Variants in TRPC5 observed in about 807,000 individuals in gnomAD.
The protein encoded by TRPC5 is short transient receptor potential channel 5.
In TRPC5, 9 loss-of-function variants were observed where a neutral mutation model predicts 56.5. That is an observed-to-expected ratio of 0.16 (90% CI 0.10 to 0.28). The LOEUF (loss-of-function observed/expected upper bound fraction) is 0.28. Among genes scored for constraint, TRPC5 ranks in the 10% least tolerant of loss-of-function variants. The probability of loss-of-function intolerance (pLI) is 1.00; values close to 1 mark genes in which losing one functional copy is unlikely to be tolerated. For missense variants in TRPC5, 469 were observed against 748.9 expected (o/e 0.63, Z 4.36); for synonymous variants, 282 against 278.5 (o/e 1.01, Z -0.13).
chrX:111,966,237 G>A (rs1927570073), intron 1 of TRPC5, among the ~76,000 whole-genome samples: 1 of 111,883 alleles, frequency 8.9e-6, no homozygotes, highest in African/African-American at 3.3e-5. Flanking sequence ...AGAAGAAATG[G>A]ATAAATTCCT....
chrX:111,992,106 C>T (rs1445434502), intron 1 of TRPC5, among the ~76,000 whole-genome samples: 1 of 112,017 alleles, frequency 8.9e-6, no homozygotes, highest in African/African-American at 3.3e-5. Context: ...GGGATAGAGC[C>T]AGTATGATCC....
At chrX:111,955,883 A>G (rs1378574815) in intron 1 of TRPC5, among the ~76,000 whole-genome samples, 2 of 112,491 alleles carry the variant, frequency 1.8e-5, no homozygotes, top group Non-Finnish European at 3.8e-5. Flanking sequence ...CTCTAGGTAT[A>G]TTCTTAACCA....
intron 8 of TRPC5, 95 bp downstream of exon 8, chrX:111,781,840 G>T: frequency 1.3e-6 from 1 of 782,448 alleles, no homozygotes; most frequent in South Asian, 2.9e-5. Flanking sequence ...GGTTGGCAGT[G>T]ACCCGAGACC....
intron 7 of TRPC5, among the ~76,000 whole-genome samples, chrX:111,824,472 T>C (rs1653772528): frequency 8.9e-6 from 1 of 111,950 alleles, no homozygotes; most frequent in Admixed American, 9.5e-5. Flanking sequence ...TGGCATTTAA[T>C]AAAGGCTTGT....
chrX:111,798,873 G>C (rs78983233), intron 7 of TRPC5, among the ~76,000 whole-genome samples: 1 of 111,729 alleles, frequency 9.0e-6, no homozygotes, highest in Non-Finnish European at 1.9e-5. Context: ...GGAAGGTGAA[G>C]GATCTAAAGC....
chrX:112,003,222 A>G (rs1928745558), intron 1 of TRPC5, among the ~76,000 whole-genome samples: 1 of 112,046 alleles, frequency 8.9e-6, no homozygotes, highest in Non-Finnish European at 1.9e-5. Flanking sequence ...TTCAAAAAAC[A>G]TTACAGAGTA....
intron 2 of TRPC5, among the ~76,000 whole-genome samples, chrX:111,928,653 G>A (rs149402370): frequency 0.011 from 1,271 of 111,952 alleles, 16 homozygotes; most frequent in African/African-American, 0.039. Flanking sequence ...GGGCTGCTTT[G>A]GGCTTCTAGC....
intron 1 of TRPC5, among the ~76,000 whole-genome samples, chrX:111,993,716 G>A (rs1263208137): frequency 1.8e-5 from 2 of 112,270 alleles, no homozygotes; most frequent in Non-Finnish European, 3.8e-5. Context: ...AAAAGTGTCT[G>A]TTTGTATCCT....
chrX:111,979,308 T>C (rs754001168), intron 1 of TRPC5, among the ~76,000 whole-genome samples: 6 of 111,499 alleles, frequency 5.4e-5, no homozygotes, highest in Non-Finnish European at 1.9e-5. Context: ...TTACACCATA[T>C]GCAAAACTTA....
rs1484336419 is a variant in TRPC5, at chrX:111,855,012, C to G, written c.901-906G>C. Among the ~76,000 whole-genome samples the G allele has an allele frequency of 5.4e-5, 6 of 111,951 alleles. No individual in the cohort carries two copies. The Admixed American group carries it at 5.7e-4, about 11-fold the overall frequency. ...AGCTGCTACTTCCTGGTAAGTGACT[C>G]AACAGGGAGCTCAACTGTCAACTAT... is the stretch of plus-strand genomic sequence containing the variant. On this transcript the variant is annotated intron_variant, in intron 3 of 10. Coordinates refer to ENST00000262839, the MANE Select transcript of TRPC5 (RefSeq NM_012471.3).
Position 111,776,138 on chromosome X carries a change from A to G in TRPC5, c.*175T>C, listed in dbSNP as rs1474982278. Reference sequence around the variant, plus strand: ...AAAAAGGCAAATAATAATGAAAGTAATAATAAAACAAGAACAAAAATGGAG... The same window carrying G: ...AAAAAGGCAAATAATAATGAAAGTAGTAATAAAACAAGAACAAAAATGGAG... On this transcript the variant is annotated 3_prime_UTR_variant, in exon 11 of 11. Coordinates refer to ENST00000262839, the MANE Select transcript of TRPC5 (RefSeq NM_012471.3). 4 of 430,149 alleles carry G rather than the reference A, an allele frequency of 9.3e-6. No individual in the cohort carries two copies. The highest frequency in any genetic ancestry group is 1.5e-5 in the Non-Finnish European group (4 of 266,642). 35.4% of individuals were successfully genotyped at this position (430,149 alleles called of 1,213,427 possible). A position where few individuals can be genotyped will look rare whatever the true frequency, so the allele number is the denominator to read the frequency against.
intron 7 of TRPC5, among the ~76,000 whole-genome samples, chrX:111,814,249 A>G (rs1921794292): frequency 2.7e-5 from 3 of 110,973 alleles, no homozygotes; most frequent in African/African-American, 9.8e-5. Flanking sequence ...AAGTATTCCC[A>G]TATCCCTCAA....
chrX:112,067,079 G>A (rs1482965129), intron 1 of TRPC5, among the ~76,000 whole-genome samples: 3 of 112,541 alleles, frequency 2.7e-5, no homozygotes, highest in Non-Finnish European at 5.6e-5. Flanking sequence ...GCTAAGTCAT[G>A]ACCTGATAAG....
intron 7 of TRPC5, among the ~76,000 whole-genome samples, chrX:111,812,318 C>T (rs1245842972): frequency 9.0e-6 from 1 of 110,708 alleles, no homozygotes; most frequent in Admixed American, 9.7e-5. Flanking sequence ...TTCTGGTGCC[C>T]CTCATTGCAC....
At chrX:112,080,395 TACACACACACACAC>T (rs201063739) in intron 1 of TRPC5, among the ~76,000 whole-genome samples, 55 of 79,174 alleles carry the variant, frequency 6.9e-4, no homozygotes, top group Admixed American at 1.3e-3. Context: ...AAAAACTACA[TACACACACACACAC>T]ACACACACAC....
At chrX:111,955,234 C>G (rs1286890484) in intron 1 of TRPC5, among the ~76,000 whole-genome samples, 1 of 112,105 alleles carries the variant, frequency 8.9e-6, no homozygotes, top group Non-Finnish European at 1.9e-5. Flanking sequence ...AATAGTATTC[C>G]TCTTTAGAAA....
intron 1 of TRPC5, among the ~76,000 whole-genome samples, chrX:111,990,923 T>C (rs1333603004): frequency 1.8e-5 from 2 of 112,567 alleles, no homozygotes; most frequent in Non-Finnish European, 3.8e-5. Flanking sequence ...CTGCTGCTAG[T>C]AGAAACTGCT....
At chrX:111,876,703 A>ATTAAATT (rs1033124585) in intron 3 of TRPC5, among the ~76,000 whole-genome samples, 2 of 111,321 alleles carry the variant, frequency 1.8e-5, no homozygotes, top group African/African-American at 6.5e-5. Flanking sequence ...AGTCTCTACC[A>ATTAAATT]CCCAGAATTC....
intron 1 of TRPC5, among the ~76,000 whole-genome samples, chrX:112,043,615 CTGTT>C (rs1410466137): frequency 9.8e-6 from 1 of 102,458 alleles, no homozygotes; most frequent in Non-Finnish European, 2.0e-5. Context: ...TAACACACTG[CTGTT>C]TGATAGTTTC....
Sources: gnomAD v4.1 joint callset for allele counts (sites outside exome capture counted in the v4.1 genomes callset) on GRCh38, gnomAD v4.1.1 for gene constraint, MANE v1.5 for transcripts, NCBI Gene and HGNC (gene_info 2026-07-23, HGNC 2026-07-21) for gene names.